The following SOX5 variants were observed in gnomAD, a reference collection of about 807,000 sequenced individuals.
SOX5 encodes transcription factor SOX-5.
SOX5 carries 9 observed loss-of-function variants against 92.0 expected under a neutral mutation model. The ratio of observed to expected loss-of-function variants is 0.10; its 90% CI spans 0.06 to 0.17. The LOEUF (loss-of-function observed/expected upper bound fraction) is 0.17. Among genes scored for constraint, SOX5 ranks in the 10% least tolerant of loss-of-function variants. The pLI, the probability that SOX5 is intolerant of heterozygous loss-of-function variation, is 1.00. For synonymous variants in SOX5, 344 were observed against 336.3 expected (o/e 1.02, Z -0.25); for missense variants, 642 against 944.5 (o/e 0.68, Z 4.20).
intron 1 of SOX5, among the ~76,000 whole-genome samples, chr12:24,497,492 A>G (rs1365508650): frequency 6.6e-6 from 1 of 152,210 alleles, no homozygotes; most frequent in Admixed American, 6.5e-5. Flanking sequence ...CAGGCCAGGC[A>G]TCATTCTCAG....
chr12:24,279,204 C>A (rs1273362181), intron 2 of SOX5, among the ~76,000 whole-genome samples: 1 of 151,940 alleles, frequency 6.6e-6, no homozygotes, highest in South Asian at 2.1e-4. Context: ...ATCACTATGG[C>A]AAAAGATTGG....
At chr12:24,495,653 A>C (rs1947555681) in intron 1 of SOX5, among the ~76,000 whole-genome samples, 1 of 152,214 alleles carries the variant, frequency 6.6e-6, no homozygotes, top group South Asian at 2.1e-4. Context: ...GTTTAGGTTC[A>C]AGGGTCTGAT....
At chr12:23,873,828 T>C (rs1226204209) in intron 2 of SOX5, among the ~76,000 whole-genome samples, 1 of 152,178 alleles carries the variant, frequency 6.6e-6, no homozygotes. Flanking sequence ...ACAGAGCAGG[T>C]TTGAAAAGCC....
intron 13 of SOX5, among the ~76,000 whole-genome samples, chr12:23,537,917 G>A (rs754671352): frequency 1.9e-4 from 28 of 150,662 alleles, no homozygotes; most frequent in Admixed American, 3.3e-4. Context: ...AGGTGACAGC[G>A]TGCTGGCAGC....
intron 4 of SOX5, among the ~76,000 whole-genome samples, chr12:24,186,598 T>G (rs753577141): frequency 2.6e-5 from 4 of 152,094 alleles, no homozygotes; most frequent in Non-Finnish European, 5.9e-5. Context: ...TTGGATGCAT[T>G]AACTCTGGTA....
chr12:24,025,046 A>G (rs1296107118), intron 4 of SOX5, among the ~76,000 whole-genome samples: 2 of 152,066 alleles, frequency 1.3e-5, no homozygotes, highest in Non-Finnish European at 2.9e-5. Context: ...TAAACTTGCA[A>G]TGACTTGAGA....
chr12:24,272,705 G>C (rs1181900623), intron 3 of SOX5, among the ~76,000 whole-genome samples: 1 of 151,768 alleles, frequency 6.6e-6, no homozygotes, highest in East Asian at 1.9e-4. Context: ...AAACCAACTT[G>C]GTCATAATTT....
chr12:24,009,957 C>T (rs1592296564), intron 4 of SOX5, among the ~76,000 whole-genome samples: 1 of 152,124 alleles, frequency 6.6e-6, no homozygotes, highest in East Asian at 1.9e-4. Flanking sequence ...CAGTCTTGGC[C>T]TCTTGCAAAG....
chr12:24,258,053 G>A (rs1941507934), intron 3 of SOX5, among the ~76,000 whole-genome samples: 1 of 151,972 alleles, frequency 6.6e-6, no homozygotes. Context: ...GGCACCTGTA[G>A]TCCCAGCTAC....
intron 2 of SOX5, among the ~76,000 whole-genome samples, chr12:23,848,997 A>C (rs540470655): frequency 2.1e-4 from 32 of 152,216 alleles, no homozygotes; most frequent in Non-Finnish European, 4.6e-4. Flanking sequence ...TCATTAAAAT[A>C]TCTTTTTAAA....
At chr12:23,568,987 A>C (rs1314407203) in intron 10 of SOX5, among the ~76,000 whole-genome samples, 1 of 152,120 alleles carries the variant, frequency 6.6e-6, no homozygotes, top group East Asian at 1.9e-4. Context: ...TTAGGAGTTC[A>C]AAATCAGCCT....
intron 4 of SOX5, among the ~76,000 whole-genome samples, chr12:24,120,878 T>C (rs1031357431): frequency 2.6e-5 from 4 of 152,204 alleles, no homozygotes; most frequent in African/African-American, 9.6e-5. Flanking sequence ...TGACTTTTCT[T>C]GGAAAACAAA....
chr12:23,819,135 T>G (rs930977968), intron 3 of SOX5, among the ~76,000 whole-genome samples: 2 of 152,236 alleles, frequency 1.3e-5, no homozygotes, highest in African/African-American at 4.8e-5. Flanking sequence ...TAACTGTATG[T>G]GCTATACTTC....
intron 5 of SOX5, 21 bp downstream of exon 5, chr12:23,740,846 G>T (rs772142746): frequency 1.9e-6 from 3 of 1,593,398 alleles, no homozygotes; most frequent in Non-Finnish European, 2.6e-6. Flanking sequence ...GAATATGACT[G>T]CATCGCTAGT....
intron 3 of SOX5, among the ~76,000 whole-genome samples, chr12:23,835,586 T>C (rs1002141473): frequency 4.6e-5 from 7 of 151,872 alleles, no homozygotes; most frequent in African/African-American, 1.7e-4. Context: ...CATTAAAAGT[T>C]TTCTGGAAAA....
At chr12:23,537,087 A>G (rs935125255) in intron 13 of SOX5, among the ~76,000 whole-genome samples, 6 of 152,166 alleles carry the variant, frequency 3.9e-5, no homozygotes, top group African/African-American at 1.4e-4. Context: ...TTTTACTACA[A>G]AAGTTCCCAA....
chr12:24,540,266 A>C (rs1952003932), intron 1 of SOX5, among the ~76,000 whole-genome samples: 1 of 151,872 alleles, frequency 6.6e-6, no homozygotes. Context: ...ATTCCAAAAG[A>C]CATATTCGCA....
intron 1 of SOX5, among the ~76,000 whole-genome samples, chr12:23,911,082 G>A (rs1323757109): frequency 3.3e-5 from 5 of 151,902 alleles, no homozygotes; most frequent in African/African-American, 1.2e-4. Flanking sequence ...ACCTGCTAAT[G>A]TCATATTCAA....
At chr12:24,027,937 C>T (rs1405767121) in intron 4 of SOX5, among the ~76,000 whole-genome samples, 1 of 151,982 alleles carries the variant, frequency 6.6e-6, no homozygotes, top group East Asian at 1.9e-4. Context: ...GTTAGCAGGG[C>T]CTTCTCCAAT....
Sources: gnomAD v4.1 joint callset for allele counts (sites outside exome capture counted in the v4.1 genomes callset) on GRCh38, gnomAD v4.1.1 for gene constraint, MANE v1.5 for transcripts, NCBI Gene and HGNC (gene_info 2026-07-23, HGNC 2026-07-21) for gene names.